The following PTPRG variants were observed in gnomAD, a reference collection of about 807,000 sequenced individuals.
The protein encoded by PTPRG is protein tyrosine phosphatase receptor type G, also known as receptor-type tyrosine-protein phosphatase gamma.
Under a neutral mutation model 165.3 loss-of-function variants are expected in PTPRG, and 102 were observed. The observed-to-expected ratio is 0.62, with a 90% CI of 0.53 to 0.73. The LOEUF is 0.73. Ranked by LOEUF, PTPRG falls within the 30% of genes least tolerant of loss-of-function variation. The pLI is 0.00. For missense variants in PTPRG, 1,866 were observed against 1,861.4 expected (o/e 1.00, Z -0.05); for synonymous variants, 675 against 669.5 (o/e 1.01, Z -0.13).
intron 5 of PTPRG, among the ~76,000 whole-genome samples, chr3:62,115,773 G>GGGATCCACCT (rs1238058735): frequency 6.6e-6 from 1 of 151,926 alleles, no homozygotes; most frequent in Non-Finnish European, 1.5e-5. Flanking sequence ...CTGGGCTCAA[G>GGGATCCACCT]GGATCCACCT....
intron 2 of PTPRG, among the ~76,000 whole-genome samples, chr3:61,913,799 T>G (rs987961782): frequency 6.6e-6 from 1 of 152,210 alleles, no homozygotes; most frequent in Admixed American, 6.5e-5. Context: ...GAAGTGAACA[T>G]ACTTGGTTAT....
At chr3:61,661,853 C>A (rs1274232326) in intron 1 of PTPRG, among the ~76,000 whole-genome samples, 1 of 152,162 alleles carries the variant, frequency 6.6e-6, no homozygotes, top group African/African-American at 2.4e-5. Context: ...ACTTACCTGT[C>A]AAGAAACACC....
intron 5 of PTPRG, among the ~76,000 whole-genome samples, chr3:62,103,436 T>G (rs867312793): frequency 4.6e-5 from 7 of 152,226 alleles, no homozygotes; most frequent in Non-Finnish European, 1.0e-4. Context: ...ATAAAAGTTA[T>G]CCATCTCCAG....
At chr3:62,159,328 CA>C (rs146075876) in intron 7 of PTPRG, among the ~76,000 whole-genome samples, 23 of 144,244 alleles carry the variant, frequency 1.6e-4, no homozygotes, top group Middle Eastern at 3.5e-3. Flanking sequence ...GAGACTGTCT[CA>C]AAAAAAAAAG....
chr3:61,674,801 A>G lies in PTPRG; in HGVS notation c.86-74077A>G, dbSNP rs1703166540. On this transcript the variant is annotated intron_variant, in intron 1 of 29. Transcript: ENST00000474889. ...TTACAAGTTGTCAGCCAGTGTCACT[A>G]GGTGATAATTCCCCTCTGTGTGAGT... 5.3e-5 allele frequency among the ~76,000 whole-genome samples: 8 copies of G among 152,312 alleles called. 1 individual carries two copies. In the South Asian group the frequency reaches 1.7e-3, roughly 32 times the overall value.
rs183294263 is a variant in PTPRG, at chr3:61,881,808, T to C, written c.191-107817T>C. The stretch of plus-strand genomic sequence containing the variant: ...TGCCTGATGAGCCTCTTCAGAACCA[T>C]TGGACACAGTTGGAAAATCACAGGC... On this transcript the variant is annotated intron_variant, in intron 2 of 29. Coordinates refer to ENST00000474889, the MANE Select transcript of PTPRG (RefSeq NM_002841.4). Among the ~76,000 whole-genome samples, 383 of 152,324 alleles carry C rather than the reference T, an allele frequency of 2.5e-3. 2 individuals are homozygous for C. Among genetic ancestry groups the C allele is most frequent in the African/African-American group, 8.6e-3 (359 of 41,582 alleles).
chr3:61,876,607 G>A (rs1350827738), intron 2 of PTPRG, among the ~76,000 whole-genome samples: 1 of 152,036 alleles, frequency 6.6e-6, no homozygotes, highest in Non-Finnish European at 1.5e-5. Flanking sequence ...ACAAAACTAG[G>A]TTAAACAATT....
chr3:61,763,488 C>G (rs1360143584), intron 2 of PTPRG, among the ~76,000 whole-genome samples: 3 of 152,076 alleles, frequency 2.0e-5, no homozygotes, highest in Admixed American at 1.3e-4. Flanking sequence ...GCCTCAGCCT[C>G]CCAGGTAGCT....
intron 4 of PTPRG, among the ~76,000 whole-genome samples, chr3:62,016,488 T>A (rs892418388): frequency 4.6e-5 from 7 of 152,152 alleles, no homozygotes; most frequent in Non-Finnish European, 1.0e-4. Context: ...TAATATGAAC[T>A]CAGTAGTCTT....
chr3:61,575,230 G>A (rs1400437347), intron 1 of PTPRG, among the ~76,000 whole-genome samples: 1 of 152,156 alleles, frequency 6.6e-6, no homozygotes, highest in Non-Finnish European at 1.5e-5. Flanking sequence ...CGAAGTGGAG[G>A]TAAAATTGAT....
At chr3:61,746,259 C>G (rs1247057593) in intron 1 of PTPRG, among the ~76,000 whole-genome samples, 49 of 137,586 alleles carry the variant, frequency 3.6e-4, no homozygotes, top group Non-Finnish European at 7.0e-4. Flanking sequence ...CGCTGTGTCT[C>G]CCAGGCTGGA....
chr3:61,884,733 G>A (rs1050514700), intron 2 of PTPRG, among the ~76,000 whole-genome samples: 1 of 152,136 alleles, frequency 6.6e-6, no homozygotes, highest in Admixed American at 6.5e-5. Flanking sequence ...CTCTTTAAGG[G>A]CATGAAGTTT....
chr3:62,249,183 C>G (rs907546719), intron 15 of PTPRG, among the ~76,000 whole-genome samples: 4 of 152,188 alleles, frequency 2.6e-5, no homozygotes, highest in African/African-American at 9.7e-5. Context: ...TGTGTCCTAA[C>G]TCAGGAAATC....
At chr3:61,776,151 C>T (rs1392868710) in intron 2 of PTPRG, among the ~76,000 whole-genome samples, 1 of 151,308 alleles carries the variant, frequency 6.6e-6, no homozygotes, top group African/African-American at 2.4e-5. Flanking sequence ...TGGTCTGACC[C>T]CTCCCACATC....
intron 4 of PTPRG, among the ~76,000 whole-genome samples, chr3:62,017,975 G>T (rs975287300): frequency 6.6e-6 from 1 of 152,196 alleles, no homozygotes; most frequent in Non-Finnish European, 1.5e-5. Context: ...GCATTTCTCT[G>T]CAGGTTTGTT....
chr3:61,899,326 G>C (rs1350980428), intron 2 of PTPRG, among the ~76,000 whole-genome samples: 3 of 152,064 alleles, frequency 2.0e-5, no homozygotes, highest in Admixed American at 6.6e-5. Context: ...AAAAATAGGA[G>C]GTGGTTTTGG....
chr3:61,931,452 A>G (rs2039358767), intron 2 of PTPRG, among the ~76,000 whole-genome samples: 1 of 152,038 alleles, frequency 6.6e-6, no homozygotes, highest in Admixed American at 6.6e-5. Context: ...GTCTTTTTTG[A>G]TTCTTCCCTT....
intron 2 of PTPRG, among the ~76,000 whole-genome samples, chr3:61,825,908 C>T (rs1256479151): frequency 6.7e-6 from 1 of 149,976 alleles, no homozygotes; most frequent in Non-Finnish European, 1.5e-5. Flanking sequence ...GCCTCAGCCT[C>T]CCAAAGTGCT....
chr3:61,674,564 C>T (rs970889187), intron 1 of PTPRG, among the ~76,000 whole-genome samples: 11 of 148,914 alleles, frequency 7.4e-5, no homozygotes, highest in South Asian at 2.1e-4. Context: ...AGGTAGGAGA[C>T]GATTCCCCAG....
Sources: gnomAD v4.1 joint callset for allele counts (sites outside exome capture counted in the v4.1 genomes callset) on GRCh38, gnomAD v4.1.1 for gene constraint, MANE v1.5 for transcripts, NCBI Gene and HGNC (gene_info 2026-07-23, HGNC 2026-07-21) for gene names.